LOC128092253: variants seen among roughly 807,000 people sequenced by gnomAD.
At chr6:133,971,137 A>G in the LOC128092253 span, among the ~76,000 whole-genome samples, 2 of 151,592 alleles carry the variant, frequency 1.3e-5, no homozygotes, top group African/African-American at 4.8e-5. Context: ...TTCTGCTTCG[A>G]TGATAACACT....
chr6:133,977,879 A>G, the LOC128092253 span, among the ~76,000 whole-genome samples: 1 of 152,348 alleles, frequency 6.6e-6, no homozygotes, highest in Admixed American at 6.5e-5. Flanking sequence ...TCCAACCTCT[A>G]GACAGCAAGA....
chr6:133,969,251 CTT>C, the LOC128092253 span, among the ~76,000 whole-genome samples: 15,213 of 122,012 alleles, frequency 0.12, 1,012 homozygotes, highest in African/African-American at 0.24. Context: ...ATAAAATACA[CTT>C]TTTTTTTTTT....
chr6:133,964,027 C>A, the LOC128092253 span, among the ~76,000 whole-genome samples: 4 of 152,054 alleles, frequency 2.6e-5, no homozygotes, highest in Non-Finnish European at 5.9e-5. Flanking sequence ...GGCGACAGAG[C>A]AAGACTGCGT....
the LOC128092253 span, among the ~76,000 whole-genome samples, chr6:133,975,716 G>A: frequency 6.6e-6 from 1 of 152,114 alleles, no homozygotes; most frequent in Non-Finnish European, 1.5e-5. Context: ...ATAACACTGT[G>A]TATAACAAGT....
the LOC128092253 span, among the ~76,000 whole-genome samples, chr6:133,968,451 T>C: frequency 1.3e-5 from 2 of 152,244 alleles, no homozygotes; most frequent in Non-Finnish European, 2.9e-5. Flanking sequence ...TTTTTTCCTT[T>C]ATCCACAATA....
At chr6:133,971,554 C>G in the LOC128092253 span, among the ~76,000 whole-genome samples, 1 of 149,772 alleles carries the variant, frequency 6.7e-6, no homozygotes, top group Non-Finnish European at 1.5e-5. Context: ...TATTCCCTTT[C>G]CTTCACATCC....
At chr6:133,968,548 A>T in the LOC128092253 span, among the ~76,000 whole-genome samples, 1 of 152,224 alleles carries the variant, frequency 6.6e-6, no homozygotes, top group East Asian at 1.9e-4. Context: ...TTATTCTTCA[A>T]AACAATCATG....
chr6:133,956,107 C>T, the LOC128092253 span, among the ~76,000 whole-genome samples: 2 of 151,958 alleles, frequency 1.3e-5, no homozygotes, highest in African/African-American at 4.8e-5. Flanking sequence ...CCAGTAATAA[C>T]CTAGGTGATT....
chr6:133,959,483 C>T, the LOC128092253 span, among the ~76,000 whole-genome samples: 2 of 151,894 alleles, frequency 1.3e-5, no homozygotes, highest in South Asian at 4.2e-4. Context: ...TTCTTTCTTT[C>T]TTTTTGTTTT....
At chr6:133,954,701 G>C in the LOC128092253 span, among the ~76,000 whole-genome samples, 1 of 152,152 alleles carries the variant, frequency 6.6e-6, no homozygotes, top group South Asian at 2.1e-4. Context: ...GGAGCAATTA[G>C]GTCAACCACA....
At chr6:133,956,964 A>G in the LOC128092253 span, among the ~76,000 whole-genome samples, 8 of 152,336 alleles carry the variant, frequency 5.3e-5, no homozygotes, top group South Asian at 4.1e-4. Context: ...TAACCAGTCA[A>G]TCTTTTCTTT....
At chr6:133,974,390 G>A in the LOC128092253 span, among the ~76,000 whole-genome samples, 1 of 152,178 alleles carries the variant, frequency 6.6e-6, no homozygotes, top group East Asian at 1.9e-4. Context: ...TTGGAGTGCA[G>A]TGGCGCGATC....
chr6:133,969,902 A>G, the LOC128092253 span, among the ~76,000 whole-genome samples: 1 of 152,232 alleles, frequency 6.6e-6, no homozygotes, highest in Non-Finnish European at 1.5e-5. Context: ...TAATTCCTAC[A>G]TTTGTCTAGA....
the LOC128092253 span, among the ~76,000 whole-genome samples, chr6:133,977,824 T>C: frequency 6.6e-6 from 1 of 152,198 alleles, no homozygotes; most frequent in African/African-American, 2.4e-5. Flanking sequence ...CTCATCCTCA[T>C]TGTCTCGTGG....
chr6:133,955,708 G>A, the LOC128092253 span, among the ~76,000 whole-genome samples: 1 of 152,200 alleles, frequency 6.6e-6, no homozygotes, highest in African/African-American at 2.4e-5. Flanking sequence ...TACTGTAATT[G>A]TAGACGGTCA....
At chr6:133,979,174 A>G in the LOC128092253 span, among the ~76,000 whole-genome samples, 2 of 152,332 alleles carry the variant, frequency 1.3e-5, no homozygotes, top group South Asian at 4.1e-4. Flanking sequence ...CTCCTTGAGG[A>G]CAAAAGACTT....
At chr6:133,960,744 T>G in the LOC128092253 span, among the ~76,000 whole-genome samples, 1 of 152,214 alleles carries the variant, frequency 6.6e-6, no homozygotes, top group African/African-American at 2.4e-5. Flanking sequence ...GTTGATATCT[T>G]GGAAGTGACT....
the LOC128092253 span, among the ~76,000 whole-genome samples, chr6:133,964,675 C>T: frequency 1.3e-5 from 2 of 152,060 alleles, no homozygotes; most frequent in African/African-American, 4.8e-5. Context: ...GTCTCGATCT[C>T]CTGACCTCGT....
the LOC128092253 span, among the ~76,000 whole-genome samples, chr6:133,971,238 C>T: frequency 6.6e-6 from 1 of 151,970 alleles, no homozygotes; most frequent in South Asian, 2.1e-4. Context: ...TGATGTCCTC[C>T]AGGTTCACTA....
Sources: gnomAD v4.1 joint callset for allele counts (sites outside exome capture counted in the v4.1 genomes callset) on GRCh38, gnomAD v4.1.1 for gene constraint, MANE v1.5 for transcripts.